Variants in DOCK1 observed in about 807,000 individuals in gnomAD.
DOCK1 encodes dedicator of cytokinesis 1.
DOCK1 carries 138 observed loss-of-function variants against 262.7 expected under a neutral mutation model. The observed-to-expected ratio is 0.53, with a 90% confidence interval of 0.46 to 0.61. The LOEUF (loss-of-function observed/expected upper bound fraction) is 0.61. Among genes scored for constraint, DOCK1 ranks in the 20% least tolerant of loss-of-function variants. DOCK1 has a pLI of 0.00. For synonymous variants in DOCK1, 866 were observed against 867.4 expected, an observed-to-expected ratio of 1.00 and a Z score of 0.03; for missense variants, 1,908 against 2,370.7, an observed-to-expected ratio of 0.80 and a Z score of 4.05.
At chr10:127,375,401 C>G (rs1253914863) in intron 35 of DOCK1, among the ~76,000 whole-genome samples, 1 of 152,242 alleles carries the variant, frequency 6.6e-6, no homozygotes, top group Non-Finnish European at 1.5e-5. Flanking sequence ...CTTCTCTGCC[C>G]AGCCACTGGC....
intron 29 of DOCK1, among the ~76,000 whole-genome samples, chr10:127,318,139 A>G (rs2062363976): frequency 6.6e-6 from 1 of 152,206 alleles, no homozygotes; most frequent in African/African-American, 2.4e-5. Context: ...TGAAAATGAT[A>G]CATATACTTC....
chr10:127,365,898 T>C (rs983758561), intron 33 of DOCK1, among the ~76,000 whole-genome samples: 16 of 152,220 alleles, frequency 1.1e-4, no homozygotes, highest in South Asian at 2.1e-4. Context: ...CGCCTTCCCA[T>C]TGGGGCTTCA....
intron 26 of DOCK1, among the ~76,000 whole-genome samples, chr10:127,127,198 CT>C (rs1336910954): frequency 2.0e-5 from 3 of 152,218 alleles, no homozygotes; most frequent in Non-Finnish European, 2.9e-5. Context: ...TTAATTTTTA[CT>C]GAATGCCACA....
chr10:127,448,813 T>A (rs987684605), intron 51 of DOCK1, among the ~76,000 whole-genome samples: 4 of 149,782 alleles, frequency 2.7e-5, no homozygotes, highest in Non-Finnish European at 4.4e-5. Flanking sequence ...TTTTTTTTTT[T>A]ATTTTTCTTT....
chr10:127,053,984 G>C (rs960692008), intron 22 of DOCK1, among the ~76,000 whole-genome samples: 3 of 152,222 alleles, frequency 2.0e-5, no homozygotes, highest in Non-Finnish European at 2.9e-5. Context: ...TCCACACACA[G>C]ATGGGATTCA....
rs1217220876 is a variant in DOCK1 at position 127,012,130 on chromosome 10, C to T, written c.1059-102C>T. ...GCGTTGACTCATGATGCCTCCCTCT[C>T]GCACTCGGTGACGATGATCTCTTAT... On this transcript the variant is annotated intron_variant, in intron 11 of 51. Transcript: ENST00000623213. This position sits in a 1 kb window ranked among gnomAD's most constrained non-coding sequence, Gnocchi z 4.0. The T allele has an allele frequency of 1.2e-5, 8 of 666,056 alleles. No homozygotes were observed. Among genetic ancestry groups the T allele is most frequent in the South Asian group, 3.6e-5 (2 of 55,696 alleles). 41.3% of individuals were successfully genotyped at this position (666,056 alleles called of 1,614,324 possible). A position where few individuals can be genotyped will look rare whatever the true frequency, so the allele number is the denominator to read the frequency against.
Position 127,410,918 on chromosome 10 carries a change from A to G in DOCK1, c.4422A>G (p.Glu1474=). The G allele has an allele frequency of 1.2e-6, 2 of 1,613,132 alleles. No homozygotes were observed. Among genetic ancestry groups the G allele is most frequent in the East Asian group, 2.2e-5 (1 of 44,876 alleles). ...IRKGEKNPDN[E]FANMWIERTI... is the part of the protein sequence containing the mutation. Reference sequence around the variant, plus strand: ...AGGGAGAGAAAAACCCAGACAATGAATTTGCGGTAAAAAACAAACAAACCA... The same window carrying G: ...AGGGAGAGAAAAACCCAGACAATGAGTTTGCGGTAAAAAACAAACAAACCA... Residue 1474 remains glutamate, a synonymous_variant, in exon 43 of 52, where the codon GAA becomes GAG. Coordinates refer to ENST00000623213, the MANE Select transcript of DOCK1 (RefSeq NM_001290223.2).
intron 23 of DOCK1, among the ~76,000 whole-genome samples, chr10:127,101,965 T>C (rs1285894449): frequency 6.6e-6 from 1 of 152,126 alleles, no homozygotes; most frequent in Admixed American, 6.6e-5. Context: ...ACTGAGGTTG[T>C]GGAAGCAGAA....
intron 1 of DOCK1, among the ~76,000 whole-genome samples, chr10:126,924,319 G>T (rs1257307439): frequency 7.1e-5 from 9 of 126,274 alleles, no homozygotes; most frequent in Admixed American, 2.4e-4. Context: ...GTGAGTGCTG[G>T]AACTCAGTAG....
chr10:127,294,022 G>A (rs529211310), intron 29 of DOCK1, among the ~76,000 whole-genome samples: 62 of 152,200 alleles, frequency 4.1e-4, no homozygotes, highest in African/African-American at 1.4e-3. Flanking sequence ...AGCACACCGC[G>A]GATATGCAGC....
chr10:126,984,728 A>G (rs540085901), intron 4 of DOCK1, among the ~76,000 whole-genome samples: 78 of 152,198 alleles, frequency 5.1e-4, no homozygotes, highest in Middle Eastern at 3.4e-3. Flanking sequence ...GTGCAACATG[A>G]TGTTTTGAAG....
At chr10:126,906,968 A>G (rs1368466998) in intron 1 of DOCK1, among the ~76,000 whole-genome samples, 2 of 152,078 alleles carry the variant, frequency 1.3e-5, no homozygotes, top group Admixed American at 6.5e-5. Flanking sequence ...CTTCCTCCCC[A>G]TCTCCCCATT....
chr10:127,205,636 T>C (rs1172917596), intron 27 of DOCK1, among the ~76,000 whole-genome samples: 1 of 152,234 alleles, frequency 6.6e-6, no homozygotes, highest in Non-Finnish European at 1.5e-5. Context: ...TGTTGGACTT[T>C]TGCTTCTTCG....
intron 29 of DOCK1, among the ~76,000 whole-genome samples, chr10:127,290,591 C>T (rs1564968044): frequency 6.6e-6 from 1 of 152,158 alleles, no homozygotes; most frequent in Non-Finnish European, 1.5e-5. Flanking sequence ...CTCCTCCTCG[C>T]CCTACCCCGT....
chr10:127,004,757 G>GGCCCCCCCCCC (rs2040869603), intron 10 of DOCK1, among the ~76,000 whole-genome samples: 1 of 87,034 alleles, frequency 1.1e-5, no homozygotes, highest in Non-Finnish European at 2.5e-5. Context: ...CCCCCCAACG[G>GGCCCCCCCCCC]CCCCCTGCCC....
intron 43 of DOCK1, among the ~76,000 whole-genome samples, chr10:127,411,209 C>A (rs1217186755): frequency 2.0e-5 from 3 of 152,136 alleles, no homozygotes; most frequent in East Asian, 3.9e-4. Context: ...TCCCTGCGAG[C>A]CCCAGGTGAG....
At chr10:127,225,342 A>G (rs2058596384) in intron 27 of DOCK1, among the ~76,000 whole-genome samples, 1 of 152,260 alleles carries the variant, frequency 6.6e-6, no homozygotes. Flanking sequence ...GGGGGTCTGC[A>G]GTAACTTCCT....
At chr10:127,312,381 G>A (rs2062094041) in intron 29 of DOCK1, among the ~76,000 whole-genome samples, 2 of 152,170 alleles carry the variant, frequency 1.3e-5, no homozygotes, top group Admixed American at 1.3e-4. Flanking sequence ...ATGCCCCTCT[G>A]GGGGCTGCAA....
At chr10:126,979,121 C>CTA (rs1184623753) in intron 3 of DOCK1, among the ~76,000 whole-genome samples, 1 of 152,200 alleles carries the variant, frequency 6.6e-6, no homozygotes, top group Non-Finnish European at 1.5e-5. Context: ...CATCAGTGAC[C>CTA]TATAGCCTTG....
Sources: gnomAD v4.1 joint callset for allele counts (sites outside exome capture counted in the v4.1 genomes callset) on GRCh38, gnomAD v4.1.1 for gene constraint, Gnocchi (gnomAD v3.1) non-coding constraint, MANE v1.5 for transcripts, NCBI Gene and HGNC (gene_info 2026-07-23, HGNC 2026-07-21) for gene names.